GLI3: variants seen among roughly 807,000 people sequenced by gnomAD.
The protein encoded by GLI3 is transcription activator GLI3.
Under a neutral mutation model 100.8 loss-of-function variants are expected in GLI3, and 20 were observed. The ratio of observed to expected loss-of-function variants is 0.20; its 90% CI spans 0.14 to 0.29. GLI3 has a LOEUF of 0.29. GLI3 is among the 10% of genes least tolerant of loss of function. GLI3 has a pLI of 1.00. For synonymous variants in GLI3, 938 were observed against 860.5 expected (o/e 1.09, Z -1.58); for missense variants, 2,040 against 2,128.5 (o/e 0.96, Z 0.82).
At chr7:42,158,634 G>C (rs1787060015) in intron 2 of GLI3, among the ~76,000 whole-genome samples, 1 of 151,932 alleles carries the variant, frequency 6.6e-6, no homozygotes, top group Non-Finnish European at 1.5e-5. Flanking sequence ...GAGAGAGAGA[G>C]AGCCAAGCAC....
At chr7:42,226,765 C>T (rs1788589048) in intron 1 of GLI3, among the ~76,000 whole-genome samples, 1 of 152,188 alleles carries the variant, frequency 6.6e-6, no homozygotes, top group African/African-American at 2.4e-5. Flanking sequence ...ACAACTTTGT[C>T]CCTGTCAGTT....
chr7:42,148,883 G>A (rs971498860), intron 2 of GLI3, among the ~76,000 whole-genome samples: 5 of 152,140 alleles, frequency 3.3e-5, no homozygotes, highest in Non-Finnish European at 5.9e-5. Flanking sequence ...CTGGGGACGC[G>A]GGGCCTCCGG....
In GLI3 at chr7:42,144,130, C is replaced by T. The variant is rs180795115; in HGVS notation, c.367+4096G>A. ...ATGCTTTAACTATTATGTCACCTGC[C>T]TTTGAAAGTTTATAGAAGATAAATG... is the stretch of plus-strand genomic sequence containing the variant. On this transcript the variant is annotated intron_variant, in intron 3 of 14. Transcript: ENST00000395925. Among the ~76,000 whole-genome samples the T allele has an allele frequency of 2.6e-4, 39 of 152,292 alleles. 1 individual carries two copies. The East Asian group carries it at 7.5e-3, about 29-fold the overall frequency.
chr7:42,244,984 C>T (rs1788957725), intron 1 of GLI3, among the ~76,000 whole-genome samples: 1 of 152,182 alleles, frequency 6.6e-6, no homozygotes, highest in Admixed American at 6.5e-5. Context: ...GTACCATGTT[C>T]TGGAGCAGGA....
chr7:42,074,993 C>T (rs6954947), intron 4 of GLI3, among the ~76,000 whole-genome samples: 10 of 152,174 alleles, frequency 6.6e-5, no homozygotes, highest in South Asian at 2.1e-4. Flanking sequence ...ACTCTGCCTA[C>T]GAGGATGGTC....
chr7:42,055,636 C>T (rs998192138), intron 4 of GLI3, among the ~76,000 whole-genome samples: 2 of 152,134 alleles, frequency 1.3e-5, no homozygotes, highest in Non-Finnish European at 2.9e-5. Context: ...GTCCCCTTAA[C>T]CCTACCCACA....
At chr7:41,989,336 CA>C (rs1299067636) in intron 10 of GLI3, among the ~76,000 whole-genome samples, 2 of 152,148 alleles carry the variant, frequency 1.3e-5, no homozygotes, top group African/African-American at 4.8e-5. Context: ...ACAAATCCAG[CA>C]AACATGGTAA....
rs1251844115 is a variant in GLI3, at chr7:41,965,589, A to G, written c.3484T>C (p.Trp1162Arg). 1 of 1,605,910 alleles carries G rather than the reference A, an allele frequency of 6.2e-7. No individual in the cohort carries two copies. Among genetic ancestry groups the G allele is most frequent in the Admixed American group, 1.7e-5 (1 of 59,838 alleles). ...EGSKTDLPIQ[W>R]NEVSSGSADL... ...GCGCTTCCGGAGCTGACTTCGTTCCACTGAATGGGCAGGTCGGTTTTGCTG... is the reference window on the plus strand; with the variant it reads ...GCGCTTCCGGAGCTGACTTCGTTCCGCTGAATGGGCAGGTCGGTTTTGCTG... The change falls in exon 15 of 15, where the codon TGG becomes CGG. Residue 1162 changes from tryptophan (W) to arginine (R), a missense_variant. Physicochemically the swap from Trp to Arg is moderately radical, Grantham distance 101 (BLOSUM62 -3). Coordinates refer to ENST00000395925, the MANE Select transcript of GLI3 (RefSeq NM_000168.6).
intron 4 of GLI3, among the ~76,000 whole-genome samples, chr7:42,056,353 G>A (rs1784461118): frequency 6.6e-6 from 1 of 152,194 alleles, no homozygotes; most frequent in South Asian, 2.1e-4. Flanking sequence ...AAAGAAGTGT[G>A]TATGAGTAGA....
intron 9 of GLI3, among the ~76,000 whole-genome samples, chr7:42,024,640 G>A (rs554070471): frequency 9.2e-5 from 14 of 152,124 alleles, no homozygotes; most frequent in Non-Finnish European, 1.8e-4. Flanking sequence ...GATATTATGG[G>A]TATAACCTAC....
intron 1 of GLI3, among the ~76,000 whole-genome samples, chr7:42,257,863 T>C (rs1176578403): frequency 1.3e-5 from 2 of 152,246 alleles, no homozygotes; most frequent in African/African-American, 2.4e-5. Flanking sequence ...CATTGCTTTT[T>C]GTATATTAAG....
chr7:42,114,529 A>G (rs1184653995), intron 3 of GLI3, among the ~76,000 whole-genome samples: 6 of 152,140 alleles, frequency 3.9e-5, no homozygotes, highest in African/African-American at 1.4e-4. Flanking sequence ...GGCTTAGGAA[A>G]AAGAAATGTG....
At chr7:42,210,793 T>A (rs1401507661) in intron 2 of GLI3, among the ~76,000 whole-genome samples, 4 of 152,200 alleles carry the variant, frequency 2.6e-5, no homozygotes, top group African/African-American at 9.7e-5. Context: ...TTTGCATGTA[T>A]CCAGATGAAG....
intron 3 of GLI3, among the ~76,000 whole-genome samples, chr7:42,141,479 G>A (rs1322682601): frequency 2.0e-5 from 3 of 152,004 alleles, no homozygotes; most frequent in South Asian, 2.1e-4. Flanking sequence ...CAAGACCAGC[G>A]TGGCCAACAT....
chr7:42,007,869 G>A (rs1788500557), intron 10 of GLI3, among the ~76,000 whole-genome samples: 1 of 152,088 alleles, frequency 6.6e-6, no homozygotes, highest in South Asian at 2.1e-4. Context: ...TGTCGGCCTA[G>A]TTTGTTTTAC....
intron 2 of GLI3, among the ~76,000 whole-genome samples, chr7:42,208,834 C>A (rs975351984): frequency 9.2e-5 from 14 of 152,164 alleles, no homozygotes; most frequent in African/African-American, 2.9e-4. Context: ...GGCTGCCACA[C>A]ACATCTTCTT....
chr7:42,201,553 A>T (rs543960655), intron 2 of GLI3, among the ~76,000 whole-genome samples: 2 of 152,316 alleles, frequency 1.3e-5, no homozygotes, highest in South Asian at 2.1e-4. Context: ...TCATGCAAGG[A>T]TGGGAACACA....
At chr7:42,246,335 T>C (rs992329994) in intron 1 of GLI3, among the ~76,000 whole-genome samples, 4 of 152,186 alleles carry the variant, frequency 2.6e-5, no homozygotes, top group Non-Finnish European at 4.4e-5. Context: ...TTCATAGGGT[T>C]CAGCCAAACC....
intron 1 of GLI3, among the ~76,000 whole-genome samples, chr7:42,256,958 T>A (rs1190465524): frequency 6.6e-6 from 1 of 152,020 alleles, no homozygotes; most frequent in African/African-American, 2.4e-5. Context: ...TTCTTTGCAG[T>A]GTTTTGTAGA....
Sources: allele counts gnomAD v4.1 joint callset (sites outside exome capture counted in the v4.1 genomes callset), GRCh38; gene constraint gnomAD v4.1.1; transcripts MANE v1.5; gene names NCBI Gene and HGNC (gene_info 2026-07-23, HGNC 2026-07-21).